Variants in MYOZ2 observed in about 807,000 individuals in gnomAD.
MYOZ2 encodes myozenin 2.
In MYOZ2, 19 loss-of-function variants were observed where a neutral mutation model predicts 25.4. The ratio of observed to expected loss-of-function variants is 0.75; its 90% CI spans 0.52 to 1.10. MYOZ2 has a LOEUF of 1.10. MYOZ2 is among the 50% of genes least tolerant of loss of function. The pLI is 0.00. For synonymous variants in MYOZ2, 92 were observed against 106.9 expected (o/e 0.86, Z 0.86); for missense variants, 270 against 317.9 (o/e 0.85, Z 1.15).
Position 119,164,258 on chromosome 4 carries a change from A to G in MYOZ2, c.424A>G (p.Thr142Ala), listed in dbSNP as rs1741773199. The G allele has an allele frequency of 6.2e-7, 1 of 1,613,936 alleles. No individual in the cohort carries two copies. The highest frequency in any genetic ancestry group is 8.5e-7 in the Non-Finnish European group (1 of 1,179,956). The stretch of plus-strand genomic sequence containing the variant: ...AATTCCTCCTGAAAAATTCAACACC[A>G]CAGCTGTCCCTAAGTACTATCAATC... The part of the protein sequence containing the change: ...KEIPPEKFNT[T>A]AVPKYYQSPW... The change falls in exon 5 of 6, where the codon ACA becomes GCA. Residue 142 changes from threonine (T) to alanine (A), a missense_variant. Coordinates refer to ENST00000307128, the MANE Select transcript of MYOZ2 (RefSeq NM_016599.5).
chr4:119,138,508 AC>A (rs1269873623), intron 2 of MYOZ2, among the ~76,000 whole-genome samples: 2 of 152,196 alleles, frequency 1.3e-5, no homozygotes, highest in African/African-American at 4.8e-5. Context: ...CTTCAGAGAA[AC>A]TTTTTTGGGA....
intron 1 of MYOZ2, 42 bp downstream of exon 1, chr4:119,136,024 C>G: frequency 5.9e-6 from 1 of 169,216 alleles, no homozygotes; most frequent in Non-Finnish European, 1.3e-5. Context: ...AGTCAGTTGT[C>G]CAAGGATATT....
At chr4:119,175,062 G>A (rs60072801) in intron 5 of MYOZ2, among the ~76,000 whole-genome samples, 10,579 of 151,776 alleles carry the variant, frequency 0.07, 725 homozygotes, top group African/African-American at 0.17. Flanking sequence ...CTCCAGACAC[G>A]CCACTTTAAG....
chr4:119,177,025 CA>C (rs1742089014), intron 5 of MYOZ2, among the ~76,000 whole-genome samples: 1 of 152,138 alleles, frequency 6.6e-6, no homozygotes, highest in South Asian at 2.1e-4. Flanking sequence ...TGTGCCATTG[CA>C]CTCCAGTCTG....
At chr4:119,169,404 C>T (rs1282044220) in intron 5 of MYOZ2, among the ~76,000 whole-genome samples, 2 of 152,088 alleles carry the variant, frequency 1.3e-5, no homozygotes, top group Non-Finnish European at 2.9e-5. Flanking sequence ...TGAATAAGAC[C>T]AAAGGACATA....
At chr4:119,146,772 G>A (rs1741309641) in intron 2 of MYOZ2, among the ~76,000 whole-genome samples, 1 of 152,056 alleles carries the variant, frequency 6.6e-6, no homozygotes, top group African/African-American at 2.4e-5. Flanking sequence ...TATTCTTACT[G>A]CTCTTCTGCC....
intron 5 of MYOZ2, among the ~76,000 whole-genome samples, chr4:119,164,822 GC>G (rs1167007310): frequency 4.6e-5 from 7 of 151,968 alleles, no homozygotes; most frequent in African/African-American, 1.7e-4. Context: ...ATTTTTGCAG[GC>G]TTTAGGACAG....
intron 4 of MYOZ2, among the ~76,000 whole-genome samples, chr4:119,158,443 C>T (rs1463645110): frequency 6.6e-6 from 1 of 151,948 alleles, no homozygotes; most frequent in Non-Finnish European, 1.5e-5. Context: ...GTAGTCCCAG[C>T]TACTTGGGGG....
chr4:119,139,598 C>T (rs1216650526), intron 2 of MYOZ2, among the ~76,000 whole-genome samples: 3 of 152,038 alleles, frequency 2.0e-5, no homozygotes, highest in Admixed American at 2.0e-4. Context: ...AAGTATTAAA[C>T]TGATAAAGAG....
At chr4:119,145,002 A>G (rs972125416) in intron 2 of MYOZ2, among the ~76,000 whole-genome samples, 2 of 152,106 alleles carry the variant, frequency 1.3e-5, no homozygotes, top group Non-Finnish European at 2.9e-5. Context: ...GGTGTTGTTT[A>G]GCAACTCTTT....
intron 5 of MYOZ2, among the ~76,000 whole-genome samples, chr4:119,178,485 C>T (rs1233894562): frequency 6.6e-6 from 1 of 152,158 alleles, no homozygotes; most frequent in Non-Finnish European, 1.5e-5. Context: ...CCAATCTGCC[C>T]CATCTCAGTA....
intron 5 of MYOZ2, among the ~76,000 whole-genome samples, chr4:119,178,378 C>A (rs1184476266): frequency 6.6e-6 from 1 of 152,190 alleles, no homozygotes; most frequent in Non-Finnish European, 1.5e-5. Context: ...CTGAGCTTCA[C>A]TCTGCCACTG....
rs189271561 is a variant in MYOZ2 at position 119,147,359 on chromosome 4, C to T, written c.77-3513C>T. Among the ~76,000 whole-genome samples the T allele has an allele frequency of 5.9e-5, 9 of 151,832 alleles. No homozygotes were observed. The East Asian group carries it at 1.7e-3, about 29-fold the overall frequency. On this transcript the variant is annotated intron_variant, in intron 2 of 5. Coordinates refer to ENST00000307128, the MANE Select transcript of MYOZ2 (RefSeq NM_016599.5). ...CAAATGTATCTGTTCATATAGCTTT[C>T]AGGAGTTGCTCTAAGTATTGCATTA...
In MYOZ2 at chr4:119,135,976, C is replaced by CA; in HGVS notation, c.-20dup. The CA allele has an allele frequency of 1.2e-5, 2 of 161,798 alleles. No individual in the cohort carries two copies. Among genetic ancestry groups the CA allele is most frequent in the Middle Eastern group, 3.2e-3 (1 of 310 alleles). 10.0% of individuals were successfully genotyped at this position (161,798 alleles called of 1,614,324 possible). A position where few individuals can be genotyped will look rare whatever the true frequency, so the allele number is the denominator to read the frequency against. Reference sequence around the variant, plus strand: ...TCCCCGCTGAAAAAGCACAATCTAACAGCAAGGTGAGTATGTTGTTTCCTA... The same window carrying CA: ...TCCCCGCTGAAAAAGCACAATCTAACAAGCAAGGTGAGTATGTTGTTTCCTA... On this transcript the variant is annotated 5_prime_UTR_variant, in exon 1 of 6. Coordinates refer to ENST00000307128, the MANE Select transcript of MYOZ2 (RefSeq NM_016599.5).
intron 5 of MYOZ2, among the ~76,000 whole-genome samples, chr4:119,180,998 T>C (rs755479497): frequency 5.3e-5 from 8 of 152,246 alleles, no homozygotes; most frequent in Non-Finnish European, 7.3e-5. Context: ...AGTCCATGCA[T>C]ATCTATAATA....
At chr4:119,139,801 T>C (rs1741122146) in intron 2 of MYOZ2, among the ~76,000 whole-genome samples, 1 of 152,142 alleles carries the variant, frequency 6.6e-6, no homozygotes, top group African/African-American at 2.4e-5. Flanking sequence ...CCACAGTGCC[T>C]CCTAAGTAAG....
At chr4:119,145,760 T>G (rs1473191389) in intron 2 of MYOZ2, among the ~76,000 whole-genome samples, 1 of 152,148 alleles carries the variant, frequency 6.6e-6, no homozygotes, top group Non-Finnish European at 1.5e-5. Flanking sequence ...CTCTTCTATT[T>G]TGGGGCAGAG....
At chr4:119,150,755 A>T in intron 2 of MYOZ2, 117 bp from the exon 3 acceptor site, 1 of 1,019,976 alleles carries the variant, frequency 9.8e-7, no homozygotes, top group Non-Finnish European at 1.5e-6. Flanking sequence ...GAGAAAATAA[A>T]TGACATACTT....
At chr4:119,151,413 G>GGATAAGCA (rs1741447682) in intron 3 of MYOZ2, among the ~76,000 whole-genome samples, 1 of 152,062 alleles carries the variant, frequency 6.6e-6, no homozygotes, top group African/African-American at 2.4e-5. Flanking sequence ...CCACAGGCGA[G>GGATAAGCA]GATAAGCATT....
Sources: allele counts gnomAD v4.1 joint callset (sites outside exome capture counted in the v4.1 genomes callset), GRCh38; gene constraint gnomAD v4.1.1; transcripts MANE v1.5; gene names NCBI Gene and HGNC (gene_info 2026-07-23, HGNC 2026-07-21).